KIF6: variants seen among roughly 807,000 people sequenced by gnomAD.
KIF6 encodes the protein kinesin-like protein KIF6.
A neutral mutation model predicts 112.7 loss-of-function variants in KIF6; 106 were observed. The ratio of observed to expected loss-of-function variants is 0.94; its 90% confidence interval spans 0.80 to 1.11. The LOEUF (loss-of-function observed/expected upper bound fraction) is 1.11. Ranked by LOEUF, KIF6 falls within the 50% of genes least tolerant of loss-of-function variation. The pLI is 0.00. For synonymous variants in KIF6, 339 were observed against 339.9 expected (o/e 1.00, Z 0.03); for missense variants, 929 against 964.0 (o/e 0.96, Z 0.48).
At chr6:39,658,918 G>A (rs1202780793) in intron 3 of KIF6, among the ~76,000 whole-genome samples, 1 of 152,182 alleles carries the variant, frequency 6.6e-6, no homozygotes, top group African/African-American at 2.4e-5. Context: ...CAAACTTTGG[G>A]CTAGAAGGAC....
At position 39,598,433 on chromosome 6, in the gene KIF6, T is replaced by C. The variant is rs1204070240; in HGVS notation, c.640-2173A>G. On this transcript the variant is annotated intron_variant, in intron 6 of 22. Coordinates refer to ENST00000287152, the MANE Select transcript of KIF6 (RefSeq NM_145027.6). ...TAAGGAAATGGGAAATTTTGTGTAC[T>C]GCTTGTGGAAATATAAATTAAGAAT... Among the ~76,000 whole-genome samples, 9 of 152,282 alleles carry C rather than the reference T, an allele frequency of 5.9e-5. 1 individual carries two copies. The Middle Eastern group carries it at 0.02, about 345-fold the overall frequency.
chr6:39,720,146 T>C (rs1434929548), intron 2 of KIF6, among the ~76,000 whole-genome samples: 2 of 152,230 alleles, frequency 1.3e-5, no homozygotes, highest in Non-Finnish European at 2.9e-5. Flanking sequence ...TTTTACATTC[T>C]TTTTCCTTCA....
chr6:39,549,406 C>T (rs1412419850), intron 10 of KIF6, among the ~76,000 whole-genome samples: 2 of 152,152 alleles, frequency 1.3e-5, no homozygotes, highest in African/African-American at 2.4e-5. Context: ...TACAACAACC[C>T]ATGAGAAAAG....
At chr6:39,555,006 A>G in intron 10 of KIF6, 1 of 155,526 alleles carries the variant, frequency 6.4e-6, no homozygotes, top group Non-Finnish European at 1.4e-5. Context: ...CTGCCTGGGG[A>G]CCAACCCCTA....
At chr6:39,509,874 C>T (rs1431427366) in intron 13 of KIF6, among the ~76,000 whole-genome samples, 1 of 152,070 alleles carries the variant, frequency 6.6e-6, no homozygotes, top group Non-Finnish European at 1.5e-5. Context: ...TCAGAAAATA[C>T]AGAGAACACC....
rs560178703 is a variant in KIF6 at position 39,376,025 on chromosome 6, C to G, written c.1861+9597G>C. Among the ~76,000 whole-genome samples the G allele has an allele frequency of 5.8e-4, 88 of 152,288 alleles. No homozygotes were observed. The South Asian group carries it at 0.013, about 23-fold the overall frequency. ...TGTGCAGGCTCCTCCTCACTCCCAG[C>G]CTCTCCCTTGAGCATGGAAATTCGG... On this transcript the variant is annotated intron_variant, in intron 16 of 22. Transcript: ENST00000287152.
chr6:39,383,895 A>G (rs929213507), intron 16 of KIF6, among the ~76,000 whole-genome samples: 1 of 152,110 alleles, frequency 6.6e-6, no homozygotes, highest in East Asian at 1.9e-4. Flanking sequence ...ATTCCTAGGT[A>G]TTTTAATTTT....
chr6:39,542,739 T>A (rs1778856134), intron 12 of KIF6, among the ~76,000 whole-genome samples: 1 of 152,192 alleles, frequency 6.6e-6, no homozygotes, highest in Non-Finnish European at 1.5e-5. Context: ...TCCAATTACA[T>A]CACACTCCGC....
At chr6:39,358,174 T>G (rs971031633) in intron 18 of KIF6, among the ~76,000 whole-genome samples, 3 of 152,220 alleles carry the variant, frequency 2.0e-5, no homozygotes, top group Admixed American at 2.0e-4. Flanking sequence ...GAATGCCCTG[T>G]AAGCCTCCTG....
intron 10 of KIF6, 76 bp downstream of exon 10, chr6:39,577,980 T>A (rs1401848777): frequency 7.0e-6 from 7 of 1,003,196 alleles, no homozygotes; most frequent in Non-Finnish European, 1.1e-5. Context: ...GGTGAATTCA[T>A]AACATTAGGG....
intron 15 of KIF6, among the ~76,000 whole-genome samples, chr6:39,410,356 G>T (rs1769395973): frequency 6.6e-6 from 1 of 152,240 alleles, no homozygotes; most frequent in African/African-American, 2.4e-5. Context: ...TCATTTTAAG[G>T]CATTTCATTA....
intron 13 of KIF6, among the ~76,000 whole-genome samples, chr6:39,504,353 A>G (rs1776318281): frequency 6.6e-6 from 1 of 152,174 alleles, no homozygotes; most frequent in Non-Finnish European, 1.5e-5. Flanking sequence ...GAACCTCAAA[A>G]TAATAAGAGC....
At chr6:39,499,329 AT>A (rs969521689) in intron 13 of KIF6, among the ~76,000 whole-genome samples, 146 of 146,916 alleles carry the variant, frequency 9.9e-4, no homozygotes, top group South Asian at 8.6e-4. Context: ...AGTTGGCCAG[AT>A]TTTTTTTTTT....
chr6:39,542,010 A>G (rs1251741744), intron 12 of KIF6, among the ~76,000 whole-genome samples: 1 of 152,154 alleles, frequency 6.6e-6, no homozygotes, highest in Non-Finnish European at 1.5e-5. Context: ...AACAACAAGA[A>G]GGTAACTGTG....
intron 1 of KIF6, among the ~76,000 whole-genome samples, chr6:39,722,328 C>T (rs1362665006): frequency 1.3e-5 from 2 of 152,136 alleles, no homozygotes; most frequent in African/African-American, 4.8e-5. Flanking sequence ...CTCTTTGAGG[C>T]CTTAAGAAAA....
chr6:39,669,017 T>C (rs1253016486), intron 3 of KIF6, among the ~76,000 whole-genome samples: 1 of 152,148 alleles, frequency 6.6e-6, no homozygotes, highest in Non-Finnish European at 1.5e-5. Context: ...AATAAATTTA[T>C]TTTTCAAAAT....
At chr6:39,408,442 G>GA (rs1011970760) in intron 15 of KIF6, among the ~76,000 whole-genome samples, 1 of 151,794 alleles carries the variant, frequency 6.6e-6, no homozygotes, top group Admixed American at 6.6e-5. Context: ...AGAAAAACTG[G>GA]AAAAAAAGGT....
Position 39,499,698 on chromosome 6 carries a change from C to T in KIF6, c.1645+40305G>A, listed in dbSNP as rs571542740. On this transcript the variant is annotated intron_variant, in intron 13 of 22. Transcript: ENST00000287152. ...ATGGGTAAGCACATCCTCCCTTCCC[C>T]CTTGAGCTATCAGTAAGAAAGTCAC... 3.9e-5 allele frequency among the ~76,000 whole-genome samples: 6 copies of T among 152,274 alleles called. No individual in the cohort carries two copies. In the South Asian group the frequency reaches 1.0e-3, roughly 26 times the overall value.
chr6:39,617,902 C>T (rs1391725304), intron 5 of KIF6: 1 of 317,796 alleles, frequency 3.1e-6, no homozygotes, highest in Non-Finnish European at 6.6e-6. Context: ...ATAAAGAGAA[C>T]ATTCACTTGT....
Sources: gnomAD v4.1 joint callset for allele counts (sites outside exome capture counted in the v4.1 genomes callset) on GRCh38, gnomAD v4.1.1 for gene constraint, MANE v1.5 for transcripts, NCBI Gene and HGNC (gene_info 2026-07-23, HGNC 2026-07-21) for gene names.